SIGLEC15: variants seen among roughly 807,000 people sequenced by gnomAD.
The protein encoded by SIGLEC15 is sialic acid-binding Ig-like lectin 15.
A neutral mutation model predicts 26.2 loss-of-function variants in SIGLEC15; 31 were observed. That is an observed-to-expected ratio of 1.18 (90% CI 0.89 to 1.60). SIGLEC15 has a LOEUF of 1.60. SIGLEC15 is among the 40% of genes most tolerant of loss of function. The pLI, the probability that SIGLEC15 is intolerant of heterozygous loss-of-function variation, is 0.00. For synonymous variants in SIGLEC15, 207 were observed against 221.9 expected (o/e 0.93, Z 0.60); for missense variants, 501 against 488.4 (o/e 1.03, Z -0.24).
chr18:45,837,125 T>C (rs1599394706), intron 2 of SIGLEC15, 37 bp downstream of exon 2: 1 of 1,611,004 alleles, frequency 6.2e-7, no homozygotes, highest in Non-Finnish European at 8.5e-7. Flanking sequence ...CTCGGGGATC[T>C]TGGGAGTCTG....
rs1484269602 is a variant in SIGLEC15, at chr18:45,843,867, A to T, written c.*1680A>T. On this transcript the variant is annotated 3_prime_UTR_variant, in exon 6 of 6. Transcript: ENST00000389474. ...GTCCTCCAGCCTGGGCAACAGAGAG[A>T]CTGTCTCCAAAGAAAAAAAAAGAAA... 6.6e-6 allele frequency: 1 copy of T among 152,104 alleles called. No individual in the cohort carries two copies. The highest frequency in any genetic ancestry group is 2.4e-5 in the African/African-American group (1 of 41,392). The allele number at this position is 152,104 out of a possible 1,614,324, so 9.4% of individuals were successfully genotyped here.
At chr18:45,829,240 G>C (rs887558682) in intron 1 of SIGLEC15, 2 of 813,966 alleles carry the variant, frequency 2.5e-6, no homozygotes, top group Non-Finnish European at 3.0e-6. Context: ...TGGGTTAAAG[G>C]GGAAGCCAGA....
At chr18:45,835,645 T>C (rs1458934581) in intron 1 of SIGLEC15, among the ~76,000 whole-genome samples, 1 of 152,238 alleles carries the variant, frequency 6.6e-6, no homozygotes, top group Non-Finnish European at 1.5e-5. Context: ...ATTTCTGTCA[T>C]GTCCAATTGT....
At chr18:45,840,561 C>T (rs1211907135) in intron 5 of SIGLEC15, among the ~76,000 whole-genome samples, 2 of 152,214 alleles carry the variant, frequency 1.3e-5, no homozygotes, top group Non-Finnish European at 2.9e-5. Context: ...CCCCGTTCCC[C>T]CCTGGCACTC....
At chr18:45,828,468 T>C (rs1240118938) in intron 1 of SIGLEC15, among the ~76,000 whole-genome samples, 1 of 152,082 alleles carries the variant, frequency 6.6e-6, no homozygotes, top group African/African-American at 2.4e-5. Flanking sequence ...GGAAGAACAC[T>C]GGTCTGGGAG....
In SIGLEC15 at chr18:45,842,454, A is replaced by T; in HGVS notation, c.*267A>T. 1 of 478,916 alleles carries T rather than the reference A, an allele frequency of 2.1e-6. No individual in the cohort carries two copies. The highest frequency in any genetic ancestry group is 3.8e-6 in the Non-Finnish European group (1 of 264,192). 29.7% of individuals were successfully genotyped at this position (478,916 alleles called of 1,614,324 possible). ...GTGTGTGTGTGTGTGAGAGAGAGAG[A>T]GAGAGAGTACACGCATTAGCTTGAG... On this transcript the variant is annotated 3_prime_UTR_variant, in exon 6 of 6. Coordinates refer to ENST00000389474, the MANE Select transcript of SIGLEC15 (RefSeq NM_213602.3).
At chr18:45,833,125 C>T (rs948284775) in intron 1 of SIGLEC15, among the ~76,000 whole-genome samples, 1 of 152,028 alleles carries the variant, frequency 6.6e-6, no homozygotes, top group African/African-American at 2.4e-5. Flanking sequence ...TGGCTCTTGT[C>T]CTTGGGCACT....
At chr18:45,838,523 C>A in intron 3 of SIGLEC15, 195 bp from the exon 4 acceptor site, 3 of 755,366 alleles carry the variant, frequency 4.0e-6, no homozygotes, top group Non-Finnish European at 6.0e-6. Flanking sequence ...ATGATCCTCA[C>A]TTTACACATG....
At position 45,842,174 on chromosome 18, in the gene SIGLEC15, T is replaced by C. The variant is rs947193784; in HGVS notation, c.974T>C (p.Met325Thr). 4 of 1,614,206 alleles carry C rather than the reference T, an allele frequency of 2.5e-6. No individual in the cohort carries two copies. The highest frequency in any genetic ancestry group is 2.7e-5 in the African/African-American group (2 of 75,052). ...AACCCCCGGAGCCCACCAGCCACCA[T>C]GTGCTCACCGTGAGGAGTCCCTCAG... ...QMNPRSPPAT[M>T]CSP The change falls in exon 6 of 6, where the codon ATG becomes ACG. Residue 325 changes from methionine (M) to threonine (T), a missense_variant. Transcript: ENST00000389474.
chr18:45,839,175 C>T, intron 4 of SIGLEC15, 80 bp downstream of exon 4: 2 of 1,329,068 alleles, frequency 1.5e-6, no homozygotes, highest in Non-Finnish European at 1.9e-6. Context: ...CCTGGCTGAC[C>T]CCCTGGCACT....
rs2048287196 is a variant in SIGLEC15 at position 45,837,690 on chromosome 18, C to T, written c.290C>T (p.Ala97Val). Residue 97 changes from alanine (A) to valine (V), a missense_variant, in exon 3 of 6, where the codon GCG (alanine) becomes GTG (valine). Ala to Val is a moderately conservative substitution (Grantham distance 64). Transcript: ENST00000389474. ...GGCCCGCAGGTGTTCCGCTGCGCTGCGGCGCGGGGCAGCGAGCTCTGCCAG... is the reference window on the plus strand; with the variant it reads ...GGCCCGCAGGTGTTCCGCTGCGCTGTGGCGCGGGGCAGCGAGCTCTGCCAG... The part of the protein sequence containing the change: ...YAGPQVFRCA[A>V]ARGSELCQTA... 1.4e-6 allele frequency: 2 copies of T among 1,476,224 alleles called. No individual in the cohort carries two copies. The highest frequency in any genetic ancestry group is 1.8e-6 in the Non-Finnish European group (2 of 1,123,362). The allele number at this position is 1,476,224 out of a possible 1,614,324, so 91.4% of individuals were successfully genotyped here.
Position 45,843,634 on chromosome 18 carries a change from C to G in SIGLEC15, c.*1447C>G, listed in dbSNP as rs1002504574. 2 of 152,222 alleles carry G rather than the reference C, an allele frequency of 1.3e-5. No homozygotes were observed. Among genetic ancestry groups the G allele is most frequent in the African/African-American group, 2.4e-5 (1 of 41,438 alleles). The allele number at this position is 152,222 out of a possible 1,614,324, so 9.4% of individuals were successfully genotyped here. ...TGGCTCATGCCTGTAATCCCAGCAC[C>G]CTGGGAGGCCGAGGCAGGTGGATCA... On this transcript the variant is annotated 3_prime_UTR_variant, in exon 6 of 6. Transcript: ENST00000389474.
At chr18:45,828,067 C>A (rs2048200316) in intron 1 of SIGLEC15, among the ~76,000 whole-genome samples, 1 of 152,224 alleles carries the variant, frequency 6.6e-6, no homozygotes, top group African/African-American at 2.4e-5. Context: ...GGCTGCTCTT[C>A]TTCTGGGAGC....
In SIGLEC15 at chr18:45,837,673, G is replaced by A; in HGVS notation, c.273G>A (p.Gln91=). 2.7e-6 allele frequency: 4 copies of A among 1,491,374 alleles called. No homozygotes were observed. Among genetic ancestry groups the A allele is most frequent in the Middle Eastern group, 2.3e-4 (1 of 4,258 alleles). 92.4% of individuals were successfully genotyped at this position (1,491,374 alleles called of 1,614,324 possible). Residue 91 remains glutamine, a synonymous_variant, in exon 3 of 6, where the codon CAG becomes CAA. Coordinates refer to ENST00000389474, the MANE Select transcript of SIGLEC15 (RefSeq NM_213602.3). The part of the protein sequence containing the change: ...WRAGEPYAGP[Q]VFRCAAARGS... The stretch of plus-strand genomic sequence containing the variant: ...CGGGCGAGCCCTATGCGGGCCCGCA[G>A]GTGTTCCGCTGCGCTGCGGCGCGGG...
At chr18:45,831,225 C>G (rs477397) in intron 1 of SIGLEC15, among the ~76,000 whole-genome samples, 1 of 151,980 alleles carries the variant, frequency 6.6e-6, no homozygotes, top group Non-Finnish European at 1.5e-5. Context: ...CGCCTGCTGC[C>G]GTGTTGTGAT....
intron 2 of SIGLEC15, 103 bp from the exon 3 acceptor site, chr18:45,837,410 A>AGG (rs1436777109): frequency 1.5e-6 from 2 of 1,365,352 alleles, no homozygotes; most frequent in Admixed American, 6.9e-5. Flanking sequence ...TTTCCAGGCT[A>AGG]GGGGTTGGGG....
At chr18:45,836,924 G>T in intron 1 of SIGLEC15, 105 bp from the exon 2 acceptor site, 2 of 717,492 alleles carry the variant, frequency 2.8e-6, no homozygotes, top group Non-Finnish European at 2.6e-6. Flanking sequence ...AGGCGATCCT[G>T]AACGCTGGCT....
chr18:45,825,737 G>C lies in SIGLEC15; in HGVS notation c.9G>C (p.Lys3Asn). 6.2e-7 allele frequency: 1 copy of C among 1,614,248 alleles called. No individual in the cohort carries two copies. Among genetic ancestry groups the C allele is most frequent in the Non-Finnish European group, 8.5e-7 (1 of 1,180,036 alleles). ...GTTCAGATGCTCACAGCATGGAAAA[G>C]TCCATCTGGCTGCTGGCCTGCTTGG... is the stretch of plus-strand genomic sequence containing the variant. MEKSIWLLACLAW... is the reference protein window; with the variant it reads MENSIWLLACLAW... Residue 3 changes from lysine (K) to asparagine (N), a missense_variant, in exon 1 of 6, where the codon AAG (lysine) becomes AAC (asparagine). Physicochemically the swap from Lys to Asn is moderately conservative, Grantham distance 94. Coordinates refer to ENST00000389474, the MANE Select transcript of SIGLEC15 (RefSeq NM_213602.3).
intron 1 of SIGLEC15, among the ~76,000 whole-genome samples, chr18:45,834,994 T>C (rs2048265287): frequency 6.6e-6 from 1 of 152,108 alleles, no homozygotes; most frequent in African/African-American, 2.4e-5. Context: ...GGTTCTTTGA[T>C]GATTAACTGA....
Sources: allele counts gnomAD v4.1 joint callset (sites outside exome capture counted in the v4.1 genomes callset), GRCh38; gene constraint gnomAD v4.1.1; transcripts MANE v1.5; gene names NCBI Gene and HGNC (gene_info 2026-07-23, HGNC 2026-07-21).